Variants in EYS observed in about 807,000 individuals in gnomAD.
EYS encodes the protein protein eyes shut homolog.
Under a neutral mutation model 282.1 loss-of-function variants are expected in EYS, and 250 were observed. That is an observed-to-expected ratio of 0.89 (90% CI 0.80 to 0.98). The LOEUF is 0.98. EYS is among the 50% of genes least tolerant of loss of function. EYS has a pLI of 0.00. For synonymous variants in EYS, 1,355 were observed against 1,282.9 expected, an observed-to-expected ratio of 1.06 and a Z score of -1.20; for missense variants, 4,016 against 3,709.0, an observed-to-expected ratio of 1.08 and a Z score of -2.15.
At chr6:64,366,385 A>G (rs976955489) in intron 29 of EYS, among the ~76,000 whole-genome samples, 14 of 152,074 alleles carry the variant, frequency 9.2e-5, no homozygotes, top group African/African-American at 2.9e-4. Flanking sequence ...TGGACTGGCA[A>G]TAGGTGAGAA....
chr6:65,558,182 G>A (rs1183589486), intron 2 of EYS, among the ~76,000 whole-genome samples: 2 of 152,178 alleles, frequency 1.3e-5, no homozygotes, highest in Non-Finnish European at 2.9e-5. Context: ...AGCGTGCCCA[G>A]GCTGTCTGTG....
In EYS at chr6:64,255,281, T is replaced by C. The variant is rs76464134; in HGVS notation, c.6192-24457A>G. Among the ~76,000 whole-genome samples the C allele has an allele frequency of 3.5e-3, 534 of 152,188 alleles. 6 individuals are homozygous for C. The highest frequency in any genetic ancestry group is 6.1e-3 in the Non-Finnish European group (415 of 67,974). On this transcript the variant is annotated intron_variant, in intron 30 of 42. Transcript: ENST00000503581. ...AACTTAAACATCCAGGGGAAGGGTTTCTGAAATGATTAGGATACTCAGATC... is the reference window on the plus strand; with the variant it reads ...AACTTAAACATCCAGGGGAAGGGTTCCTGAAATGATTAGGATACTCAGATC...
chr6:64,207,495 T>C (rs996244136), intron 31 of EYS, among the ~76,000 whole-genome samples: 1 of 152,124 alleles, frequency 6.6e-6, no homozygotes, highest in African/African-American at 2.4e-5. Flanking sequence ...CTTGTTATAA[T>C]AGGGAAAGTT....
At chr6:63,975,976 G>C (rs543383550) in intron 35 of EYS, among the ~76,000 whole-genome samples, 155 of 152,086 alleles carry the variant, frequency 1.0e-3, no homozygotes, top group South Asian at 2.3e-3. Flanking sequence ...TATTGCTCCT[G>C]AGCTATAATA....
intron 13 of EYS, among the ~76,000 whole-genome samples, chr6:65,053,787 A>C (rs1013555303): frequency 1.3e-5 from 2 of 151,946 alleles, no homozygotes; most frequent in Admixed American, 1.3e-4. Context: ...AAAGGCCTGG[A>C]TATTCTCCCA....
intron 31 of EYS, among the ~76,000 whole-genome samples, chr6:64,125,245 G>A (rs898506865): frequency 1.3e-5 from 2 of 151,816 alleles, no homozygotes; most frequent in African/African-American, 2.4e-5. Flanking sequence ...TGGGGATAAG[G>A]CAGGCCTTTC....
intron 13 of EYS, among the ~76,000 whole-genome samples, chr6:65,022,658 G>A (rs1772283690): frequency 6.7e-6 from 1 of 149,554 alleles, no homozygotes; most frequent in African/African-American, 2.4e-5. Context: ...TTTAAAAGAA[G>A]TACATATATA....
intron 26 of EYS, among the ~76,000 whole-genome samples, chr6:64,471,117 G>A (rs1206521526): frequency 6.6e-6 from 1 of 152,128 alleles, no homozygotes; most frequent in African/African-American, 2.4e-5. Flanking sequence ...AAGGGTAGGA[G>A]AGACTGGGAG....
At chr6:65,458,410 T>G (rs1764708239) in intron 5 of EYS, among the ~76,000 whole-genome samples, 1 of 152,084 alleles carries the variant, frequency 6.6e-6, no homozygotes. Context: ...ACCCATCTTA[T>G]ACTTGTTCCC....
At chr6:65,168,615 T>G (rs2150225956) in intron 12 of EYS, among the ~76,000 whole-genome samples, 1 of 151,216 alleles carries the variant, frequency 6.6e-6, no homozygotes, top group Non-Finnish European at 1.5e-5. Context: ...CCACCCACCC[T>G]CCAATACCAT....
intron 11 of EYS, chr6:65,329,795 T>C (rs1769730209): frequency 2.0e-5 from 20 of 982,454 alleles, no homozygotes; most frequent in African/African-American, 3.5e-5. Flanking sequence ...AATTATACTA[T>C]ACTTTTGTGC....
chr6:65,346,575 G>A (rs1333995528), intron 9 of EYS, among the ~76,000 whole-genome samples: 1 of 151,492 alleles, frequency 6.6e-6, no homozygotes, highest in Non-Finnish European at 1.5e-5. Context: ...AAATAGGAAA[G>A]AGAAAAGAAA....
At chr6:64,099,599 C>T (rs565508296) in intron 31 of EYS, among the ~76,000 whole-genome samples, 204 of 152,002 alleles carry the variant, frequency 1.3e-3, no homozygotes, top group Middle Eastern at 0.01. Context: ...ATCTGGTGAT[C>T]GGACACAGAA....
intron 2 of EYS, among the ~76,000 whole-genome samples, chr6:65,522,075 G>T (rs559761074): frequency 6.6e-6 from 1 of 151,852 alleles, no homozygotes; most frequent in Non-Finnish European, 1.5e-5. Context: ...TCTTGGTGAC[G>T]TGTTATACTT....
chr6:65,275,469 A>C (rs933886639), intron 12 of EYS, among the ~76,000 whole-genome samples: 2 of 152,218 alleles, frequency 1.3e-5, no homozygotes, highest in Non-Finnish European at 2.9e-5. Context: ...AGTTACATAA[A>C]GTGGCCCAAA....
chr6:65,314,790 G>T lies in EYS; in HGVS notation c.1767-18671C>A, dbSNP rs574019239. The stretch of plus-strand genomic sequence containing the variant: ...ACTGTGCTCACTCACATAGATTTTT[G>T]TTCATGGAATAAGTTTCTGAAGGTC... On this transcript the variant is annotated intron_variant, in intron 11 of 42. Coordinates refer to ENST00000503581, the MANE Select transcript of EYS (RefSeq NM_001142800.2). Among the ~76,000 whole-genome samples the T allele has an allele frequency of 4.6e-5, 7 of 152,068 alleles. No individual in the cohort carries two copies. In the South Asian group the frequency reaches 1.5e-3, roughly 32 times the overall value.
intron 11 of EYS, among the ~76,000 whole-genome samples, chr6:65,332,700 A>G (rs558173522): frequency 6.6e-6 from 1 of 151,398 alleles, no homozygotes; most frequent in South Asian, 2.1e-4. Flanking sequence ...GAGGTGGTGA[A>G]TAACTACTCT....
At chr6:65,598,246 C>G (rs1242628529) in intron 2 of EYS, among the ~76,000 whole-genome samples, 1 of 90,610 alleles carries the variant, frequency 1.1e-5, no homozygotes, top group Non-Finnish European at 2.1e-5. Context: ...CCACCCCCCC[C>G]CCAAAAAAAA....
intron 19 of EYS, among the ~76,000 whole-genome samples, chr6:64,872,468 G>A (rs535992792): frequency 1.4e-3 from 219 of 152,052 alleles, no homozygotes; most frequent in African/African-American, 2.2e-3. Flanking sequence ...GCTGGCTGGC[G>A]ATTTCTTGCT....
Sources: allele counts gnomAD v4.1 joint callset (sites outside exome capture counted in the v4.1 genomes callset), GRCh38; gene constraint gnomAD v4.1.1; transcripts MANE v1.5; gene names NCBI Gene and HGNC (gene_info 2026-07-23, HGNC 2026-07-21).